The following SORBS2 variants were observed in gnomAD, a reference collection of about 807,000 sequenced individuals.
SORBS2 encodes the protein sorbin and SH3 domain containing 2.
In SORBS2, 46 loss-of-function variants were observed where a neutral mutation model predicts 97.7. The ratio of observed to expected loss-of-function variants is 0.47; its 90% CI spans 0.37 to 0.60. The LOEUF (loss-of-function observed/expected upper bound fraction) is 0.60, where lower values mean the gene tolerates loss of function less well. Ranked by LOEUF, SORBS2 falls within the 20% of genes least tolerant of loss-of-function variation. The pLI, the probability that SORBS2 is intolerant of heterozygous loss-of-function variation, is 0.00. For missense variants in SORBS2, 1,316 were observed against 1,282.3 expected (o/e 1.03, Z -0.40); for synonymous variants, 476 against 473.4 (o/e 1.01, Z -0.07).
intron 1 of SORBS2, among the ~76,000 whole-genome samples, chr4:185,855,323 C>T (rs1027525): frequency 0.55 from 83,899 of 152,068 alleles, 23,582 homozygotes; most frequent in East Asian, 0.79. Flanking sequence ...GATAAAGCTT[C>T]TGCTCCAGTA....
intron 1 of SORBS2, among the ~76,000 whole-genome samples, chr4:185,876,890 G>A (rs1392745020): frequency 1.3e-5 from 2 of 152,192 alleles, no homozygotes; most frequent in African/African-American, 4.8e-5. Flanking sequence ...AACTATTCAT[G>A]GCCCCACAAA....
chr4:185,698,007 A>G (rs950001634), intron 2 of SORBS2, among the ~76,000 whole-genome samples: 5 of 152,208 alleles, frequency 3.3e-5, no homozygotes, highest in Non-Finnish European at 7.3e-5. Flanking sequence ...TTTAAGTAGA[A>G]GCAAGCATCA....
chr4:185,785,672 T>C (rs2030145), intron 1 of SORBS2, among the ~76,000 whole-genome samples: 121,163 of 152,146 alleles, frequency 0.8, 48,886 homozygotes, highest in Non-Finnish European at 0.87. Flanking sequence ...ATAATTGTTG[T>C]GAGGCTTAAA....
At chr4:185,827,243 C>T (rs62642451) in intron 1 of SORBS2, among the ~76,000 whole-genome samples, 71 of 1,456 alleles carry the variant, frequency 0.049, no homozygotes, top group Non-Finnish European at 0.059. Flanking sequence ...ATCACCATCA[C>T]CACCATCATC....
At chr4:185,806,704 C>T (rs1406140456) in intron 1 of SORBS2, among the ~76,000 whole-genome samples, 7 of 151,810 alleles carry the variant, frequency 4.6e-5, no homozygotes, top group Admixed American at 1.3e-4. Context: ...GTGATCCGCC[C>T]GCCTCGGCCT....
At chr4:185,632,528 G>A (rs370064468) in intron 4 of SORBS2, among the ~76,000 whole-genome samples, 51 of 152,166 alleles carry the variant, frequency 3.4e-4, no homozygotes, top group African/African-American at 1.0e-3. Flanking sequence ...AAATCAGATC[G>A]TTATATTACA....
intron 4 of SORBS2, among the ~76,000 whole-genome samples, chr4:185,636,842 T>G (rs61654813): frequency 0.11 from 16,557 of 152,090 alleles, 966 homozygotes; most frequent in African/African-American, 0.15. Context: ...AGAGACGGGG[T>G]TTCACCATGT....
chr4:185,839,192 A>G (rs2099210032), intron 1 of SORBS2, among the ~76,000 whole-genome samples: 1 of 152,244 alleles, frequency 6.6e-6, no homozygotes, highest in South Asian at 2.1e-4. Flanking sequence ...GAGGGGAGCT[A>G]AGTCAGAAGA....
At position 185,861,983 on chromosome 4, in the gene SORBS2, T is replaced by C. The variant is rs1408127159; in HGVS notation, c.-337-86617A>G. Reference sequence around the variant, plus strand: ...ACTGGAAGCTGGGCAAGGCTGGCAATAGTCCGGATGAGAGATGACGGTGGC... The same window carrying C: ...ACTGGAAGCTGGGCAAGGCTGGCAACAGTCCGGATGAGAGATGACGGTGGC... On this transcript the variant is annotated intron_variant, in intron 1 of 20. Transcript: ENST00000284776. Among the ~76,000 whole-genome samples, 3 of 152,090 alleles carry C rather than the reference T, an allele frequency of 2.0e-5. No homozygotes were observed. The East Asian group carries it at 5.8e-4, about 29-fold the overall frequency.
At chr4:185,695,244 T>C (rs923753560) in intron 2 of SORBS2, among the ~76,000 whole-genome samples, 2 of 152,074 alleles carry the variant, frequency 1.3e-5, no homozygotes, top group African/African-American at 4.8e-5. Context: ...ACAAAATCCT[T>C]TCCCCAGTTT....
chr4:185,937,502 T>C (rs1262406723), intron 1 of SORBS2, among the ~76,000 whole-genome samples: 1 of 152,176 alleles, frequency 6.6e-6, no homozygotes, highest in African/African-American at 2.4e-5. Flanking sequence ...ACTTCAGAAG[T>C]GGAGAACTCC....
chr4:185,876,470 T>C (rs1433420405), intron 1 of SORBS2, among the ~76,000 whole-genome samples: 1 of 152,212 alleles, frequency 6.6e-6, no homozygotes, highest in Non-Finnish European at 1.5e-5. Flanking sequence ...AAAATGGGAT[T>C]TACTAATGTA....
chr4:185,946,900 T>C (rs2099274775), intron 1 of SORBS2, among the ~76,000 whole-genome samples: 1 of 152,206 alleles, frequency 6.6e-6, no homozygotes, highest in South Asian at 2.1e-4. Flanking sequence ...AGAAATCATC[T>C]TTCATCCCTG....
chr4:185,652,938 A>G (rs2097338156), intron 1 of SORBS2, among the ~76,000 whole-genome samples: 1 of 152,222 alleles, frequency 6.6e-6, no homozygotes, highest in African/African-American at 2.4e-5. Flanking sequence ...GTTTGAATTT[A>G]GGCTGAGTTG....
intron 4 of SORBS2, among the ~76,000 whole-genome samples, chr4:185,668,525 C>A (rs930794366): frequency 3.3e-5 from 5 of 152,136 alleles, no homozygotes; most frequent in Non-Finnish European, 5.9e-5. Flanking sequence ...ACTGGTCACC[C>A]ACAAAAAAGC....
rs573218059 is a variant in SORBS2, at chr4:185,806,098, C to A, written c.-337-30732G>T. ...GACCCAGTGAGGCAGAAGTCGCTGA[C>A]TCCTCTCAATAGGTGGAAGAGGATT... is the stretch of plus-strand genomic sequence containing the variant. On this transcript the variant is annotated intron_variant, in intron 1 of 20. Transcript: ENST00000284776. 1.5e-4 allele frequency among the ~76,000 whole-genome samples: 23 copies of A among 152,358 alleles called. 2 individuals are homozygous for A. In the Middle Eastern group the frequency reaches 0.024, roughly 158 times the overall value.
intron 1 of SORBS2, among the ~76,000 whole-genome samples, chr4:185,860,651 T>A (rs924864111): frequency 6.6e-6 from 1 of 152,194 alleles, no homozygotes; most frequent in Admixed American, 6.5e-5. Flanking sequence ...AGCTTGGTTT[T>A]ATACATTTTA....
chr4:185,923,471 A>ATTTTTTTTTTTTTTTTTTT (rs1491276775), intron 1 of SORBS2, among the ~76,000 whole-genome samples: 3 of 43,758 alleles, frequency 6.9e-5, no homozygotes, highest in African/African-American at 1.6e-4. Flanking sequence ...TCTTTTTTTT[A>ATTTTTTTTTTTTTTTTTTT]ATTTTTTTTT....
chr4:185,757,007 C>T (rs13130022), intron 2 of SORBS2: 877,917 of 1,157,164 alleles, frequency 0.76, 335,600 homozygotes, highest in African/African-American at 0.83. Flanking sequence ...ATTCTGCTAT[C>T]ACAAAGACGT....
Sources: gnomAD v4.1 joint callset for allele counts (sites outside exome capture counted in the v4.1 genomes callset) on GRCh38, gnomAD v4.1.1 for gene constraint, MANE v1.5 for transcripts, NCBI Gene and HGNC (gene_info 2026-07-23, HGNC 2026-07-21) for gene names.